Variants in PTPN4 observed in about 807,000 individuals in gnomAD.
PTPN4 encodes tyrosine-protein phosphatase non-receptor type 4.
A neutral mutation model predicts 135.5 loss-of-function variants in PTPN4; 49 were observed. That is an observed-to-expected ratio of 0.36 (90% CI 0.29 to 0.46). The LOEUF (loss-of-function observed/expected upper bound fraction) is 0.46. Among genes scored for constraint, PTPN4 ranks in the 20% least tolerant of loss-of-function variants. The pLI, the probability that PTPN4 is intolerant of heterozygous loss-of-function variation, is 1.00. For synonymous variants in PTPN4, 333 were observed against 369.9 expected (o/e 0.90, Z 1.14); for missense variants, 860 against 1,101.0 (o/e 0.78, Z 3.10).
intron 18 of PTPN4, among the ~76,000 whole-genome samples, chr2:119,948,450 A>T (rs1444683270): frequency 6.6e-6 from 1 of 152,172 alleles, no homozygotes; most frequent in Non-Finnish European, 1.5e-5. Flanking sequence ...AAGACTTAAA[A>T]AAAAAGCAGT....
At chr2:119,781,696 A>G (rs550473374) in intron 1 of PTPN4, among the ~76,000 whole-genome samples, 8 of 152,362 alleles carry the variant, frequency 5.3e-5, no homozygotes, top group African/African-American at 1.9e-4. Flanking sequence ...AAAATATTTC[A>G]TGACCCATGA....
Position 119,945,257 on chromosome 2 carries a change from G to A in PTPN4, c.1515+17G>A. On this transcript the variant is annotated intron_variant, in intron 16 of 26. Coordinates refer to ENST00000263708, the MANE Select transcript of PTPN4 (RefSeq NM_002830.4). ...AAACCCACTGTAAGTAGCTTCTTCAGATATTCTCATTTTTATTTGAATTTT... is the reference window on the plus strand; with the variant it reads ...AAACCCACTGTAAGTAGCTTCTTCAAATATTCTCATTTTTATTTGAATTTT... The A allele has an allele frequency of 1.3e-6, 2 of 1,497,672 alleles. No individual in the cohort carries two copies. The highest frequency in any genetic ancestry group is 1.8e-6 in the Non-Finnish European group (2 of 1,124,780). 92.8% of individuals were successfully genotyped at this position (1,497,672 alleles called of 1,614,324 possible). A position where few individuals can be genotyped will look rare whatever the true frequency, so the allele number is the denominator to read the frequency against.
At chr2:119,796,177 T>C (rs532360309) in intron 1 of PTPN4, among the ~76,000 whole-genome samples, 151 of 152,322 alleles carry the variant, frequency 9.9e-4, no homozygotes, top group Non-Finnish European at 1.3e-3. Context: ...CTGCCACTGC[T>C]CTGGCCTCCC....
chr2:119,846,447 G>A (rs1677500082), intron 2 of PTPN4, among the ~76,000 whole-genome samples: 1 of 151,902 alleles, frequency 6.6e-6, no homozygotes, highest in Non-Finnish European at 1.5e-5. Flanking sequence ...TAGTATAGCT[G>A]TTCCACCTTC....
At chr2:119,901,761 A>G (rs1437588826) in intron 10 of PTPN4, among the ~76,000 whole-genome samples, 2 of 152,212 alleles carry the variant, frequency 1.3e-5, no homozygotes, top group African/African-American at 4.8e-5. Flanking sequence ...ACAGACGGAA[A>G]TGTAAGCACA....
intron 1 of PTPN4, among the ~76,000 whole-genome samples, chr2:119,806,259 C>T (rs1344336115): frequency 6.6e-6 from 1 of 152,126 alleles, no homozygotes; most frequent in African/African-American, 2.4e-5. Flanking sequence ...TGGCTAAATG[C>T]CCCAATTAAA....
chr2:119,772,813 A>G (rs1690759061), intron 1 of PTPN4, among the ~76,000 whole-genome samples: 1 of 152,310 alleles, frequency 6.6e-6, no homozygotes, highest in South Asian at 2.1e-4. Context: ...AGCTGGGATT[A>G]CAGGCGTGAG....
intron 13 of PTPN4, among the ~76,000 whole-genome samples, chr2:119,927,573 A>G (rs1678844574): frequency 6.6e-6 from 1 of 152,244 alleles, no homozygotes; most frequent in Non-Finnish European, 1.5e-5. Flanking sequence ...AAAGGCCTGA[A>G]CAAAAACATT....
At chr2:119,958,346 C>A (rs977484607) in intron 22 of PTPN4, among the ~76,000 whole-genome samples, 30 of 143,174 alleles carry the variant, frequency 2.1e-4, no homozygotes, top group African/African-American at 6.8e-4. Context: ...AAAAAAAGAA[C>A]AATGAAAATA....
At chr2:119,774,854 G>A (rs896512920) in intron 1 of PTPN4, among the ~76,000 whole-genome samples, 6 of 151,728 alleles carry the variant, frequency 4.0e-5, no homozygotes, top group South Asian at 2.1e-4. Context: ...GTGAAACCCC[G>A]TCTACTAAAA....
intron 9 of PTPN4, among the ~76,000 whole-genome samples, chr2:119,895,530 C>T (rs997297502): frequency 6.6e-6 from 1 of 152,080 alleles, no homozygotes; most frequent in Non-Finnish European, 1.5e-5. Context: ...ATCCCAGCTA[C>T]TCAGGAGGCT....
At chr2:119,910,417 G>T (rs1345447364) in intron 10 of PTPN4, among the ~76,000 whole-genome samples, 1 of 152,028 alleles carries the variant, frequency 6.6e-6, no homozygotes, top group African/African-American at 2.4e-5. Flanking sequence ...CTAAAGTTTG[G>T]CTGTACCAAT....
intron 10 of PTPN4, among the ~76,000 whole-genome samples, chr2:119,908,275 A>G (rs936901830): frequency 6.6e-6 from 1 of 152,076 alleles, no homozygotes; most frequent in African/African-American, 2.4e-5. Context: ...TTTAAAATTG[A>G]CATTTCTCAG....
chr2:119,799,350 A>G (rs1470388071), intron 1 of PTPN4, among the ~76,000 whole-genome samples: 1 of 152,238 alleles, frequency 6.6e-6, no homozygotes, highest in East Asian at 1.9e-4. Flanking sequence ...TCCAATCCAA[A>G]GTTATCAAAC....
At chr2:119,770,889 T>A (rs1192234861) in intron 1 of PTPN4, among the ~76,000 whole-genome samples, 2 of 151,530 alleles carry the variant, frequency 1.3e-5, no homozygotes, top group Admixed American at 1.3e-4. Context: ...TTTTTTTTTT[T>A]TTTTTTTTGA....
intron 1 of PTPN4, among the ~76,000 whole-genome samples, chr2:119,766,306 A>G (rs1690616991): frequency 6.6e-6 from 1 of 152,228 alleles, no homozygotes; most frequent in Admixed American, 6.5e-5. Flanking sequence ...GGCATCCACT[A>G]TGGAATCAGA....
intron 5 of PTPN4, chr2:119,880,128 C>T (rs1043405921): frequency 4.6e-5 from 7 of 151,948 alleles, no homozygotes; most frequent in African/African-American, 1.5e-4. Flanking sequence ...TTTTCCAATT[C>T]CTGAGATACA....
At chr2:119,910,643 C>T (rs1678557625) in intron 10 of PTPN4, among the ~76,000 whole-genome samples, 2 of 152,214 alleles carry the variant, frequency 1.3e-5, no homozygotes, top group South Asian at 4.1e-4. Flanking sequence ...GGGACAGTTT[C>T]CCCCATTGTG....
intron 2 of PTPN4, among the ~76,000 whole-genome samples, chr2:119,857,614 C>CCTAA (rs980597759): frequency 5.3e-5 from 8 of 151,574 alleles, no homozygotes; most frequent in Admixed American, 6.6e-5. Flanking sequence ...GACTCCTTAC[C>CCTAA]CTAACTGCCT....
Sources: allele counts gnomAD v4.1 joint callset (sites outside exome capture counted in the v4.1 genomes callset), GRCh38; gene constraint gnomAD v4.1.1; transcripts MANE v1.5; gene names NCBI Gene and HGNC (gene_info 2026-07-23, HGNC 2026-07-21).